The following SSBP3 variants were observed in gnomAD, a reference collection of about 807,000 sequenced individuals.
SSBP3 encodes single stranded DNA binding protein 3.
Under a neutral mutation model 69.6 loss-of-function variants are expected in SSBP3, and 5 were observed. That is an observed-to-expected ratio of 0.07 (90% CI 0.04 to 0.15). The LOEUF is 0.15. Among genes scored for constraint, SSBP3 ranks in the 10% least tolerant of loss-of-function variants. The pLI is 1.00. For missense variants in SSBP3, 312 were observed against 534.0 expected, an observed-to-expected ratio of 0.58 and a Z score of 4.10; for synonymous variants, 196 against 193.4, an observed-to-expected ratio of 1.01 and a Z score of -0.11.
intron 4 of SSBP3, among the ~76,000 whole-genome samples, chr1:54,359,467 G>A (rs576399632): frequency 2.0e-5 from 3 of 152,238 alleles, no homozygotes; most frequent in South Asian, 2.1e-4. Flanking sequence ...AGCCCTTCAC[G>A]CTTTAAAACA....
intron 4 of SSBP3, among the ~76,000 whole-genome samples, chr1:54,299,515 T>TA (rs1645763197): frequency 6.8e-6 from 1 of 146,382 alleles, no homozygotes; most frequent in African/African-American, 2.6e-5. Context: ...TTTTTTTTTT[T>TA]AATGCATTAC....
At position 54,360,982 on chromosome 1, in the gene SSBP3, T is replaced by C. The variant is rs143791704; in HGVS notation, c.276+40879A>G. Reference sequence around the variant, plus strand: ...GTACATGCCTGTAGTCCCAGCTACGTTGGAGGCTGAGGTGGGAGGACTGCT... The same window carrying C: ...GTACATGCCTGTAGTCCCAGCTACGCTGGAGGCTGAGGTGGGAGGACTGCT... On this transcript the variant is annotated intron_variant, in intron 4 of 17. Coordinates refer to ENST00000610401, the Ensembl canonical transcript of SSBP3. Among the ~76,000 whole-genome samples the C allele has an allele frequency of 5.1e-4, 78 of 151,580 alleles. 1 individual carries two copies. In the East Asian group the frequency reaches 0.013, roughly 25 times the overall value.
At position 54,337,485 on chromosome 1, in the gene SSBP3, C is replaced by CTTTTTTTTTTTTTTTT. The variant is rs869039822; in HGVS notation, c.277-55974_277-55959dup. 1.9e-3 allele frequency among the ~76,000 whole-genome samples: 95 copies of CTTTTTTTTTTTTTTTT among 51,166 alleles called. 18 individuals carry two copies. Among genetic ancestry groups the CTTTTTTTTTTTTTTTT allele is most frequent in the East Asian group, 8.4e-3 (9 of 1,072 alleles). 33.6% of individuals were successfully genotyped at this position (51,166 alleles called of 152,430 possible). A position where few individuals can be genotyped will look rare whatever the true frequency, so the allele number is the denominator to read the frequency against. On this transcript the variant is annotated intron_variant, in intron 4 of 17. Coordinates refer to ENST00000610401, the Ensembl canonical transcript of SSBP3. ...ACCAAAGCATTTTGTTTTCCTCAAG[C>CTTTTTTTTTTTTTTTT]TTTTTTTTTTTTTTTTTTTTTTTTT...
chr1:54,404,725 C>T (rs1280115795), intron 2 of SSBP3, 88 bp from the exon 3 acceptor site: 2 of 1,479,440 alleles, frequency 1.4e-6, no homozygotes, highest in East Asian at 4.6e-5. Flanking sequence ...GGAAGACCAA[C>T]TAACAATAAA....
chr1:54,396,730 G>A (rs1246924078), intron 4 of SSBP3, among the ~76,000 whole-genome samples: 1 of 152,194 alleles, frequency 6.6e-6, no homozygotes, highest in Non-Finnish European at 1.5e-5. Flanking sequence ...TTATGCGAAA[G>A]ACTGGTGCAC....
chr1:54,282,230 G>A (rs1399529607), intron 4 of SSBP3, among the ~76,000 whole-genome samples: 1 of 152,208 alleles, frequency 6.6e-6, no homozygotes, highest in East Asian at 1.9e-4. Flanking sequence ...CAGCTACTCT[G>A]AGAAGCTCTT....
intron 4 of SSBP3, among the ~76,000 whole-genome samples, chr1:54,373,635 C>A (rs56268280): frequency 0.1 from 15,257 of 151,996 alleles, 1,001 homozygotes; most frequent in East Asian, 0.27. Flanking sequence ...TATGTGGCGG[C>A]GCATGCCTGT....
intron 4 of SSBP3, among the ~76,000 whole-genome samples, chr1:54,338,855 G>A (rs1005363190): frequency 6.6e-6 from 1 of 152,030 alleles, no homozygotes; most frequent in Non-Finnish European, 1.5e-5. Flanking sequence ...GAGCCAACAG[G>A]GTATTCTAAA....
chr1:54,246,447 G>A (rs1644735223), intron 9 of SSBP3, among the ~76,000 whole-genome samples: 1 of 152,238 alleles, frequency 6.6e-6, no homozygotes, highest in Non-Finnish European at 1.5e-5. Context: ...TCCCATCCAA[G>A]AGAAAGGCCT....
intron 4 of SSBP3, among the ~76,000 whole-genome samples, chr1:54,334,183 C>A (rs941822458): frequency 3.3e-5 from 5 of 152,064 alleles, no homozygotes; most frequent in African/African-American, 1.2e-4. Flanking sequence ...GAAACCCTGT[C>A]TCTACTAAAA....
chr1:54,406,890 C>A (rs868080074), upstream of SSBP3, among the ~76,000 whole-genome samples: 31 of 151,736 alleles, frequency 2.0e-4, no homozygotes, highest in African/African-American at 6.5e-4. Flanking sequence ...ATCTCGCCCT[C>A]CGCTCTTGGT....
At position 54,401,965 on chromosome 1, in the gene SSBP3, A is replaced by T. The variant is rs372931392; in HGVS notation, c.192-20T>A. On this transcript the variant is annotated intron_variant, in intron 3 of 17. Coordinates refer to ENST00000610401, the Ensembl canonical transcript of SSBP3. ...AATACACTGCGAGGAGGAAAATAAA[A>T]TAAGGTCAGGTTACTAATTATTACT... The T allele has an allele frequency of 1.7e-5, 28 of 1,607,210 alleles. No homozygotes were observed. Among genetic ancestry groups the T allele is most frequent in the East Asian group, 1.3e-4 (6 of 44,876 alleles).
exon 18 of SSBP3, chr1:54,225,450 C>G (rs537238180): frequency 8.2e-7 from 1 of 1,221,242 alleles, no homozygotes; most frequent in East Asian, 3.2e-5. Context: ...AAAGATGTCC[C>G]TTTAATAAAA....
chr1:54,266,857 C>G (rs1645111012), intron 5 of SSBP3, among the ~76,000 whole-genome samples: 1 of 152,204 alleles, frequency 6.6e-6, no homozygotes, highest in Non-Finnish European at 1.5e-5. Flanking sequence ...GTCTCTTGGC[C>G]ACTGCTCCCG....
At chr1:54,289,812 G>A (rs1332148037) in intron 4 of SSBP3, among the ~76,000 whole-genome samples, 2 of 151,918 alleles carry the variant, frequency 1.3e-5, no homozygotes, top group African/African-American at 4.8e-5. Flanking sequence ...ACCATCTCCA[G>A]GGTAGGGGGT....
intron 1 of SSBP3, among the ~76,000 whole-genome samples, chr1:54,411,891 C>CAAAA (rs71066917): frequency 5.7e-5 from 5 of 88,000 alleles, no homozygotes; most frequent in Non-Finnish European, 1.1e-4. Context: ...GACTCCGTCT[C>CAAAA]AAAAAAAAAA....
At chr1:54,310,530 G>A (rs1217836399) in intron 4 of SSBP3, among the ~76,000 whole-genome samples, 2 of 152,076 alleles carry the variant, frequency 1.3e-5, no homozygotes, top group Non-Finnish European at 2.9e-5. Flanking sequence ...TTTTCTACCC[G>A]CCTTTTAAAA....
chr1:54,409,240 C>T (rs1312946824), upstream of SSBP3, among the ~76,000 whole-genome samples: 1 of 152,116 alleles, frequency 6.6e-6, no homozygotes, highest in Non-Finnish European at 1.5e-5. Flanking sequence ...ACATCCCCTC[C>T]CTCCAGTGCC....
Position 54,241,517 on chromosome 1 carries a change from CAA to C in SSBP3, c.766-10_766-9del. The C allele has an allele frequency of 3.7e-6, 6 of 1,613,928 alleles. No individual in the cohort carries two copies. Among genetic ancestry groups the C allele is most frequent in the Non-Finnish European group, 5.1e-6 (6 of 1,179,948 alleles). On this transcript the variant is annotated splice_polypyrimidine_tract_variant and intron_variant, in intron 11 of 17. Coordinates refer to ENST00000610401, the Ensembl canonical transcript of SSBP3. ...TGAGGAGGAGTATGGAATCTAAAAA[CAA>C]GATGTCAGGGAGCCCCACGTCAGAG...
Sources: gnomAD v4.1 joint callset for allele counts (sites outside exome capture counted in the v4.1 genomes callset) on GRCh38, gnomAD v4.1.1 for gene constraint, MANE v1.5 for transcripts, NCBI Gene and HGNC (gene_info 2026-07-23, HGNC 2026-07-21) for gene names.